KIAA1755: variants seen among roughly 807,000 people sequenced by gnomAD.
KIAA1755 encodes KIAA1755.
In KIAA1755, 68 loss-of-function variants were observed where a neutral mutation model predicts 91.7. The observed-to-expected ratio is 0.74, with a 90% confidence interval of 0.61 to 0.91. The LOEUF is 0.91. Ranked by LOEUF, KIAA1755 falls within the 40% of genes least tolerant of loss-of-function variation. The probability of loss-of-function intolerance (pLI) is 0.00; values close to 1 mark genes in which losing one functional copy is unlikely to be tolerated. For missense variants in KIAA1755, 1,535 were observed against 1,494.4 expected (o/e 1.03, Z -0.45); for synonymous variants, 610 against 604.6 (o/e 1.01, Z -0.13).
chr20:38,229,245 G>A (rs899343562), intron 5 of KIAA1755, among the ~76,000 whole-genome samples: 1 of 152,216 alleles, frequency 6.6e-6, no homozygotes, highest in Non-Finnish European at 1.5e-5. Flanking sequence ...TCATCTCCCT[G>A]AGTCAATTTA....
intron 1 of KIAA1755, among the ~76,000 whole-genome samples, chr20:38,251,243 T>C (rs1163583679): frequency 6.6e-6 from 1 of 152,142 alleles, no homozygotes. Flanking sequence ...ATCAGAGAGA[T>C]GTTAAAGACA....
chr20:38,217,119 T>C, intron 13 of KIAA1755, 134 bp downstream of exon 13: 1 of 682,020 alleles, frequency 1.5e-6, no homozygotes, highest in Non-Finnish European at 2.5e-6. Context: ...GGGGGGGCTG[T>C]GTCTAGGTAT....
intron 1 of KIAA1755, among the ~76,000 whole-genome samples, chr20:38,251,980 A>G (rs1485502873): frequency 2.0e-5 from 3 of 152,178 alleles, no homozygotes. Flanking sequence ...CCAGATCAAG[A>G]GACAAAAGAG....
intron 10 of KIAA1755, among the ~76,000 whole-genome samples, chr20:38,221,830 T>C (rs1048281295): frequency 6.6e-5 from 10 of 152,188 alleles, no homozygotes; most frequent in African/African-American, 2.2e-4. Context: ...ATGACTGACT[T>C]TTCCCCACCC....
chr20:38,232,395 G>A (rs541755464), intron 4 of KIAA1755, among the ~76,000 whole-genome samples: 24 of 152,152 alleles, frequency 1.6e-4, no homozygotes, highest in Middle Eastern at 3.4e-3. Flanking sequence ...GGGAGGCTGA[G>A]GCGGGTGGAT....
chr20:38,214,851 C>T (rs879075677), intron 13 of KIAA1755, among the ~76,000 whole-genome samples: 2 of 152,206 alleles, frequency 1.3e-5, no homozygotes, highest in East Asian at 1.9e-4. Flanking sequence ...ATTTAGAACC[C>T]GATAGCGAGC....
At chr20:38,234,525 T>A (rs1304280819) in intron 4 of KIAA1755, among the ~76,000 whole-genome samples, 1 of 152,088 alleles carries the variant, frequency 6.6e-6, no homozygotes, top group East Asian at 1.9e-4. Context: ...GAATGGAGGG[T>A]TAGAGCAACA....
chr20:38,255,259 T>C (rs924687406), intron 1 of KIAA1755, among the ~76,000 whole-genome samples: 1 of 151,742 alleles, frequency 6.6e-6, no homozygotes, highest in Non-Finnish European at 1.5e-5. Context: ...CAGGTATAAA[T>C]AAGTGCTTCC....
At chr20:38,246,245 C>T (rs1290041796) in intron 1 of KIAA1755, 119 bp from the exon 2 acceptor site, 7 of 775,668 alleles carry the variant, frequency 9.0e-6, no homozygotes, top group Non-Finnish European at 1.5e-5. Flanking sequence ...ACCTCCTCTC[C>T]TACCCCACCC....
At chr20:38,240,474 A>T (rs2076035677) in intron 3 of KIAA1755, 108 bp downstream of exon 3, 5 of 1,178,234 alleles carry the variant, frequency 4.2e-6, no homozygotes, top group Non-Finnish European at 4.6e-6. Context: ...AAACCCCTGA[A>T]GCTGAGCCAG....
intron 4 of KIAA1755, among the ~76,000 whole-genome samples, chr20:38,231,750 G>C (rs1380677160): frequency 7.9e-5 from 12 of 152,234 alleles, no homozygotes; most frequent in Non-Finnish European, 1.6e-4. Flanking sequence ...GATGAAATCA[G>C]ACAGCTCCTG....
chr20:38,232,831 T>C (rs1260743874), intron 4 of KIAA1755, among the ~76,000 whole-genome samples: 1 of 152,004 alleles, frequency 6.6e-6, no homozygotes, highest in Non-Finnish European at 1.5e-5. Context: ...TTCATTTTGT[T>C]AGGGGGCCGG....
chr20:38,222,742 T>G lies in KIAA1755; in HGVS notation c.2269-145A>C, dbSNP rs75953112. 88 of 859,814 alleles carry G rather than the reference T, an allele frequency of 1.0e-4. No individual in the cohort carries two copies. The African/African-American group carries it at 1.1e-3, about 11-fold the overall frequency. The allele number at this position is 859,814 out of a possible 1,614,324, so 53.3% of individuals were successfully genotyped here. A position where few individuals can be genotyped will look rare whatever the true frequency, so the allele number is the denominator to read the frequency against. ...GTCTGTCATTTCTGTCTCTAAAACA[T>G]CCCCTCTAGCCATGTCCCCTCTCGT... On this transcript the variant is annotated intron_variant, in intron 9 of 13. Transcript: ENST00000279024.
chr20:38,231,474 C>T, intron 4 of KIAA1755, 149 bp from the exon 5 acceptor site: 1 of 949,938 alleles, frequency 1.1e-6, no homozygotes, highest in South Asian at 1.8e-5. Flanking sequence ...CTGACTTCTA[C>T]TTATCCTTCA....
chr20:38,251,892 G>A (rs549641219), intron 1 of KIAA1755, among the ~76,000 whole-genome samples: 1 of 152,178 alleles, frequency 6.6e-6, no homozygotes, highest in South Asian at 2.1e-4. Context: ...TATCATTTTC[G>A]TCAAGTAAAA....
In KIAA1755 at chr20:38,241,590, T is replaced by C. The variant is rs760755995; in HGVS notation, c.541A>G (p.Ile181Val). 3 of 1,614,118 alleles carry C rather than the reference T, an allele frequency of 1.9e-6. No homozygotes were observed. The African/African-American group carries it at 4.0e-5, about 22-fold the overall frequency. Residue 181 changes from isoleucine (I) to valine (V), a missense_variant, in exon 3 of 14, where the codon ATA becomes GTA. By Grantham distance (29) the Ile-to-Val change is conservative. Transcript: ENST00000279024. ...NGIAPVPWTK[I>V]TSPEFVDDRP... ...TCATCCACAAACTCTGGGCTGGTTA[T>C]CTTGGTCCAAGGCACAGGGGCAATC...
Position 38,228,201 on chromosome 20 carries a change from G to A in KIAA1755, c.1911C>T (p.Asp637=), listed in dbSNP as rs112826952. ...CGGGCTGTGGGGGCTGTCTCCTGGCGTCAATCAGGACCGCCAGCCCCTTGG... is the reference window on the plus strand; with the variant it reads ...CGGGCTGTGGGGGCTGTCTCCTGGCATCAATCAGGACCGCCAGCCCCTTGG... The part of the protein sequence containing the change: ...DKAKGLAVLI[D]ARRQPPQPGL... The change falls in exon 6 of 14, where the codon GAC becomes GAT. Residue 637 remains aspartate, a synonymous_variant. Coordinates refer to ENST00000279024, the MANE Select transcript of KIAA1755 (RefSeq NM_001029864.2). 1.7e-4 allele frequency: 270 copies of A among 1,604,354 alleles called. 1 individual carries two copies. The highest frequency in any genetic ancestry group is 1.3e-3 in the Middle Eastern group (8 of 6,052).
At chr20:38,217,961 G>A (rs975431148) in intron 12 of KIAA1755, 36 of 456,466 alleles carry the variant, frequency 7.9e-5, no homozygotes, top group Middle Eastern at 1.2e-3. Flanking sequence ...TCCAACCCCC[G>A]GCTCTGTGAG....
intron 10 of KIAA1755, 49 bp downstream of exon 10, chr20:38,222,400 G>A: frequency 2.5e-6 from 4 of 1,584,902 alleles, no homozygotes; most frequent in Non-Finnish European, 3.4e-6. Context: ...CCAAGCTCCT[G>A]GGCCAGAAAC....
Sources: allele counts gnomAD v4.1 joint callset (sites outside exome capture counted in the v4.1 genomes callset), GRCh38; gene constraint gnomAD v4.1.1; transcripts MANE v1.5; gene names NCBI Gene and HGNC (gene_info 2026-07-23, HGNC 2026-07-21).